The following BUD23 variants were observed in gnomAD, a reference collection of about 807,000 sequenced individuals.
BUD23 encodes the protein BUD23 rRNA methyltransferase and ribosome maturation factor.
A neutral mutation model predicts 47.0 loss-of-function variants in BUD23; 34 were observed. That is an observed-to-expected ratio of 0.72 (90% CI 0.55 to 0.96). The LOEUF (loss-of-function observed/expected upper bound fraction) is 0.96, where lower values mean the gene tolerates loss of function less well. Among genes scored for constraint, BUD23 ranks in the 40% least tolerant of loss-of-function variants. BUD23 has a pLI of 0.00. For missense variants in BUD23, 343 were observed against 361.2 expected (o/e 0.95, Z 0.41); for synonymous variants, 124 against 132.0 (o/e 0.94, Z 0.41).
At chr7:73,688,020 C>T (rs1798045820) in intron 5 of BUD23, among the ~76,000 whole-genome samples, 1 of 151,914 alleles carries the variant, frequency 6.6e-6, no homozygotes, top group East Asian at 1.9e-4. Context: ...CTCAGCCTCC[C>T]AAGTACTTGG....
chr7:73,691,425 C>T (rs1396857837), intron 6 of BUD23, among the ~76,000 whole-genome samples: 1 of 152,170 alleles, frequency 6.6e-6, no homozygotes, highest in Non-Finnish European at 1.5e-5. Flanking sequence ...ATCCTTCTGA[C>T]TCCTCACTTA....
intron 5 of BUD23, among the ~76,000 whole-genome samples, 170 bp from the exon 6 acceptor site, chr7:73,690,746 C>T (rs1184281414): frequency 3.9e-5 from 6 of 152,172 alleles, no homozygotes; most frequent in African/African-American, 1.4e-4. Context: ...GCTGGGATTA[C>T]AGGGCGTTGA....
Position 73,693,310 on chromosome 7 carries a change from G to A in BUD23, c.511-19G>A, listed in dbSNP as rs782361666. On this transcript the variant is annotated intron_variant, in intron 7 of 11. Coordinates refer to ENST00000265758, the MANE Select transcript of BUD23 (RefSeq NM_017528.5). Reference sequence around the variant, plus strand: ...CCTCTCAACCTCCGCTGCCTGACCCGCTGCCTTTCTTTCCTCAGTTGGAGC... The same window carrying A: ...CCTCTCAACCTCCGCTGCCTGACCCACTGCCTTTCTTTCCTCAGTTGGAGC... 1.1e-4 allele frequency: 178 copies of A among 1,610,048 alleles called. No individual in the cohort carries two copies. The highest frequency in any genetic ancestry group is 8.2e-4 in the Middle Eastern group (5 of 6,072).
At chr7:73,686,534 T>C in intron 2 of BUD23, 102 bp from the exon 3 acceptor site, 1 of 1,036,222 alleles carries the variant, frequency 9.7e-7, no homozygotes, top group Non-Finnish European at 1.5e-6. Context: ...CGTTTTTTGT[T>C]TGTTTTTAAC....
At chr7:73,692,811 G>T (rs1399118693) in intron 7 of BUD23, 165 bp downstream of exon 7, 1 of 641,578 alleles carries the variant, frequency 1.6e-6, no homozygotes, top group Non-Finnish European at 2.6e-6. Flanking sequence ...ATCCTAAGGG[G>T]GTGGCATCTG....
chr7:73,697,891 C>T lies in BUD23; in HGVS notation c.*5C>T, dbSNP rs1554615203. ...AAGCGCAAGCCCCGCTTCTAAGTCACCACGCGGTTCTGGAAAGGCACTTGC... is the reference window on the plus strand; with the variant it reads ...AAGCGCAAGCCCCGCTTCTAAGTCATCACGCGGTTCTGGAAAGGCACTTGC... On this transcript the variant is annotated 3_prime_UTR_variant, in exon 12 of 12. Coordinates refer to ENST00000265758, the MANE Select transcript of BUD23 (RefSeq NM_017528.5). 6.2e-7 allele frequency: 1 copy of T among 1,612,712 alleles called. No homozygotes were observed. Among genetic ancestry groups the T allele is most frequent in the Non-Finnish European group, 8.5e-7 (1 of 1,179,706 alleles).
intron 8 of BUD23, 26 bp from the exon 9 acceptor site, chr7:73,693,598 C>G (rs899563094): frequency 6.2e-7 from 1 of 1,614,140 alleles, no homozygotes; most frequent in South Asian, 1.1e-5. Flanking sequence ...TCCACCCAAC[C>G]CTCACTTTGC....
chr7:73,696,924 C>G (rs1376004315), intron 10 of BUD23: 1 of 162,854 alleles, frequency 6.1e-6, no homozygotes, highest in African/African-American at 2.4e-5. Flanking sequence ...CATGGCTCAC[C>G]TCTTGCCCCC....
chr7:73,694,705 G>A (rs1364310742), intron 10 of BUD23: 1 of 152,390 alleles, frequency 6.6e-6, no homozygotes, highest in Non-Finnish European at 1.5e-5. Context: ...GCTCGGTAGG[G>A]TCAAAGACAG....
At chr7:73,686,163 C>G (rs552256564) in intron 2 of BUD23, among the ~76,000 whole-genome samples, 2 of 152,138 alleles carry the variant, frequency 1.3e-5, no homozygotes, top group African/African-American at 4.8e-5. Flanking sequence ...TCTTGACTGG[C>G]TATTGGGAAG....
In BUD23 at chr7:73,693,874, C is replaced by T. The variant is rs149660112; in HGVS notation, c.643-118C>T. 44 of 1,398,028 alleles carry T rather than the reference C, an allele frequency of 3.1e-5. No homozygotes were observed. In the African/African-American group the frequency reaches 4.7e-4, roughly 15 times the overall value. The allele number at this position is 1,398,028 out of a possible 1,614,324, so 86.6% of individuals were successfully genotyped here. A position where few individuals can be genotyped will look rare whatever the true frequency, so the allele number is the denominator to read the frequency against. ...CCAGAAAGGCGTGTCAGTTCCTTCT[C>T]GTGGGACTGGACCTCGTCCCTGTCG... On this transcript the variant is annotated intron_variant, in intron 9 of 11. Transcript: ENST00000265758.
In BUD23 at chr7:73,697,392, C is replaced by T. The variant is rs951551349; in HGVS notation, c.702-213C>T. 1.6e-4 allele frequency: 249 copies of T among 1,525,120 alleles called. 1 individual carries two copies. Among genetic ancestry groups the T allele is most frequent in the South Asian group, 8.1e-4 (67 of 83,184 alleles). The allele number at this position is 1,525,120 out of a possible 1,614,324, so 94.5% of individuals were successfully genotyped here. On this transcript the variant is annotated intron_variant, in intron 10 of 11. Coordinates refer to ENST00000265758, the MANE Select transcript of BUD23 (RefSeq NM_017528.5). Reference sequence around the variant, plus strand: ...CGGCCCAGCTCTCTCCTCCTCTGCCCACCCAACAACCTCTGTGGCCCGGAT... The same window carrying T: ...CGGCCCAGCTCTCTCCTCCTCTGCCTACCCAACAACCTCTGTGGCCCGGAT...
At chr7:73,686,179 C>T (rs1282683869) in intron 2 of BUD23, among the ~76,000 whole-genome samples, 2 of 152,052 alleles carry the variant, frequency 1.3e-5, no homozygotes, top group Non-Finnish European at 2.9e-5. Flanking sequence ...GGAAGCCATG[C>T]GTGGCTCACA....
rs1396663142 is a variant in BUD23, at chr7:73,687,104, C to T, written c.362+9C>T. On this transcript the variant is annotated intron_variant, in intron 5 of 11. Transcript: ENST00000265758. Reference sequence around the variant, plus strand: ...TTTGATGGTTGCATCAGGTGAGGGTCTTTAATTCCTGCTTTTATTTATTTA... The same window carrying T: ...TTTGATGGTTGCATCAGGTGAGGGTTTTTAATTCCTGCTTTTATTTATTTA... The T allele has an allele frequency of 2.5e-6, 4 of 1,612,562 alleles. No homozygotes were observed. The African/African-American group carries it at 4.0e-5, about 16-fold the overall frequency.
chr7:73,691,054 C>G (rs370723695), intron 6 of BUD23, 42 bp downstream of exon 6: 1 of 1,547,210 alleles, frequency 6.5e-7, no homozygotes, highest in Non-Finnish European at 8.9e-7. Context: ...AGCTGCCTGT[C>G]CCTCCCTAGC....
chr7:73,684,743 C>G (rs111832605), intron 2 of BUD23, among the ~76,000 whole-genome samples: 2 of 150,194 alleles, frequency 1.3e-5, no homozygotes, highest in East Asian at 3.9e-4. Flanking sequence ...GCCAACATGG[C>G]GAAACTCCAG....
intron 10 of BUD23, chr7:73,694,938 A>G (rs932527679): frequency 2.6e-5 from 4 of 152,202 alleles, no homozygotes; most frequent in African/African-American, 9.7e-5. Context: ...GGGTTTCCCA[A>G]TGCCCCCTCA....
At chr7:73,693,219 C>A in intron 7 of BUD23, 110 bp from the exon 8 acceptor site, 1 of 1,042,458 alleles carries the variant, frequency 9.6e-7, no homozygotes, top group Non-Finnish European at 1.5e-6. Context: ...TTAAGTTCTC[C>A]CAGGCAGGAT....
intron 5 of BUD23, among the ~76,000 whole-genome samples, chr7:73,687,820 A>G (rs1554613326): frequency 1.3e-5 from 2 of 151,892 alleles, no homozygotes; most frequent in East Asian, 3.9e-4. Flanking sequence ...CCAAGAGTGT[A>G]TTTTTTTGGA....
Sources: gnomAD v4.1 joint callset for allele counts (sites outside exome capture counted in the v4.1 genomes callset) on GRCh38, gnomAD v4.1.1 for gene constraint, MANE v1.5 for transcripts, NCBI Gene and HGNC (gene_info 2026-07-23, HGNC 2026-07-21) for gene names.